Variants in KAZN observed in about 807,000 individuals in gnomAD.
KAZN encodes the protein kazrin.
In KAZN, 40 loss-of-function variants were observed where a neutral mutation model predicts 87.4. That is an observed-to-expected ratio of 0.46 (90% confidence interval 0.36 to 0.60). The LOEUF (loss-of-function observed/expected upper bound fraction) is 0.60. Among genes scored for constraint, KAZN ranks in the 20% least tolerant of loss-of-function variants. The pLI is 0.00. For synonymous variants in KAZN, 466 were observed against 458.3 expected (o/e 1.02, Z -0.22); for missense variants, 898 against 1,073.9 (o/e 0.84, Z 2.29).
chr1:14,304,988 C>T (rs1571264110), intron 2 of KAZN, among the ~76,000 whole-genome samples: 1 of 151,228 alleles, frequency 6.6e-6, no homozygotes, highest in African/African-American at 2.4e-5. Flanking sequence ...ATCTATGGGC[C>T]TTTGAGAAAA....
At chr1:13,976,148 C>T (rs1638348024) in intron 1 of KAZN, among the ~76,000 whole-genome samples, 1 of 152,140 alleles carries the variant, frequency 6.6e-6, no homozygotes, top group African/African-American at 2.4e-5. Flanking sequence ...CCTCTAGAAT[C>T]CTTAGTTTTC....
At chr1:15,043,245 G>A (rs4661566) in intron 3 of KAZN, among the ~76,000 whole-genome samples, 21,953 of 152,220 alleles carry the variant, frequency 0.14, 1,809 homozygotes, top group Admixed American at 0.21. Context: ...CCTTACTGTT[G>A]ACCCTGTTTC....
intron 2 of KAZN, among the ~76,000 whole-genome samples, chr1:14,362,307 C>T (rs775940051): frequency 1.6e-4 from 25 of 152,136 alleles, no homozygotes; most frequent in Non-Finnish European, 2.6e-4. Flanking sequence ...TGGCTGTTGA[C>T]GAGAGTCTGT....
At chr1:14,419,534 G>A (rs577747899) in intron 2 of KAZN, among the ~76,000 whole-genome samples, 14 of 152,306 alleles carry the variant, frequency 9.2e-5, no homozygotes, top group African/African-American at 3.1e-4. Flanking sequence ...GGAAGTGTCC[G>A]GAATTTGTGG....
intron 2 of KAZN, among the ~76,000 whole-genome samples, chr1:14,218,331 A>G (rs1647012299): frequency 6.6e-6 from 1 of 152,116 alleles, no homozygotes; most frequent in Non-Finnish European, 1.5e-5. Flanking sequence ...GTGTACTGAA[A>G]AGGCTTAGAA....
chr1:14,454,397 T>G (rs539818872), intron 2 of KAZN, among the ~76,000 whole-genome samples: 1 of 152,368 alleles, frequency 6.6e-6, no homozygotes, highest in African/African-American at 2.4e-5. Flanking sequence ...CTTTATTTGT[T>G]TCTGATTTAC....
chr1:14,361,902 T>G (rs1297620496), intron 2 of KAZN, among the ~76,000 whole-genome samples: 1 of 152,144 alleles, frequency 6.6e-6, no homozygotes, highest in Non-Finnish European at 1.5e-5. Context: ...GAGCACCTCG[T>G]AGGGTGAAGA....
intron 1 of KAZN, among the ~76,000 whole-genome samples, chr1:14,618,142 C>G (rs887475532): frequency 6.6e-6 from 1 of 152,208 alleles, no homozygotes; most frequent in Non-Finnish European, 1.5e-5. Flanking sequence ...CAGCTGAGTC[C>G]GGCGCTTGCT....
chr1:14,143,060 G>A (rs1570854537), intron 1 of KAZN, among the ~76,000 whole-genome samples: 1 of 152,240 alleles, frequency 6.6e-6, no homozygotes, highest in Non-Finnish European at 1.5e-5. Context: ...CACCTAATGA[G>A]GCCAGCATAG....
intron 2 of KAZN, among the ~76,000 whole-genome samples, chr1:14,962,780 G>A (rs542426411): frequency 1.3e-5 from 2 of 152,234 alleles, no homozygotes; most frequent in South Asian, 2.1e-4. Context: ...TCACCCCTAT[G>A]TGCTCTTCTG....
chr1:14,742,372 C>A (rs1644129962), intron 1 of KAZN, among the ~76,000 whole-genome samples: 1 of 152,176 alleles, frequency 6.6e-6, no homozygotes, highest in Admixed American at 6.5e-5. Context: ...ACAGCAGGCA[C>A]AAAATAGAAG....
chr1:14,477,426 C>T (rs921399832), intron 2 of KAZN, among the ~76,000 whole-genome samples: 5 of 101,938 alleles, frequency 4.9e-5, no homozygotes, highest in Middle Eastern at 4.6e-3. Flanking sequence ...AATTCATTCC[C>T]TCTCTCTCTC....
intron 1 of KAZN, among the ~76,000 whole-genome samples, chr1:13,928,548 G>A (rs889054431): frequency 1.3e-5 from 2 of 152,184 alleles, no homozygotes; most frequent in African/African-American, 4.8e-5. Context: ...GAGAAAATGA[G>A]TTGGAAAGTA....
At chr1:14,487,700 T>A (rs1025097076) in intron 2 of KAZN, among the ~76,000 whole-genome samples, 3 of 151,944 alleles carry the variant, frequency 2.0e-5, no homozygotes, top group Non-Finnish European at 2.9e-5. Flanking sequence ...GAGGCTAGAG[T>A]GGTTGTCCAG....
At chr1:14,265,575 C>T (rs1026409733) in intron 2 of KAZN, among the ~76,000 whole-genome samples, 3 of 152,174 alleles carry the variant, frequency 2.0e-5, no homozygotes, top group Admixed American at 1.3e-4. Context: ...TTCCTTACAG[C>T]GATGCTTAAC....
intron 2 of KAZN, among the ~76,000 whole-genome samples, chr1:14,418,555 CAG>C (rs1426977638): frequency 6.6e-6 from 1 of 152,158 alleles, no homozygotes; most frequent in Non-Finnish European, 1.5e-5. Flanking sequence ...AGGAACCAGT[CAG>C]AATTTATCAC....
chr1:14,687,607 G>A (rs1163777205), intron 1 of KAZN, among the ~76,000 whole-genome samples: 2 of 152,316 alleles, frequency 1.3e-5, no homozygotes, highest in Middle Eastern at 3.4e-3. Context: ...ACACAAGGGG[G>A]GAGGATAAGT....
intron 2 of KAZN, among the ~76,000 whole-genome samples, chr1:14,399,770 G>A (rs943033613): frequency 3.1e-4 from 47 of 152,040 alleles, no homozygotes; most frequent in African/African-American, 5.3e-4. Flanking sequence ...CGTCGTGCTC[G>A]ATGCCATCTC....
chr1:14,354,684 AC>A (rs1349155344), intron 2 of KAZN, among the ~76,000 whole-genome samples: 2 of 150,124 alleles, frequency 1.3e-5, no homozygotes, highest in African/African-American at 5.0e-5. Context: ...ACACACACAC[AC>A]ACAAACAAAC....
Sources: gnomAD v4.1 joint callset for allele counts (sites outside exome capture counted in the v4.1 genomes callset) on GRCh38, gnomAD v4.1.1 for gene constraint, MANE v1.5 for transcripts, NCBI Gene and HGNC (gene_info 2026-07-23, HGNC 2026-07-21) for gene names.